ZNF518A: variants seen among roughly 807,000 people sequenced by gnomAD.
ZNF518A encodes the protein zinc finger protein 518A.
A neutral mutation model predicts 102.7 loss-of-function variants in ZNF518A; 47 were observed. The ratio of observed to expected loss-of-function variants is 0.46; its 90% CI spans 0.36 to 0.58. ZNF518A has a LOEUF of 0.58. Among genes scored for constraint, ZNF518A ranks in the 20% least tolerant of loss-of-function variants. ZNF518A has a pLI of 0.00. For synonymous variants in ZNF518A, 652 were observed against 594.6 expected, an observed-to-expected ratio of 1.10 and a Z score of -1.40; for missense variants, 1,793 against 1,699.8, an observed-to-expected ratio of 1.05 and a Z score of -0.96.
At chr10:96,148,567 C>T (rs1210069079) in intron 3 of ZNF518A, among the ~76,000 whole-genome samples, 1 of 96 alleles carries the variant, frequency 0.01, no homozygotes, top group Non-Finnish European at 0.022. Context: ...AATCCTCTGG[C>T]CTGTCTGCTT....
At chr10:96,132,978 C>G (rs2081414144) in intron 2 of ZNF518A, 1 of 152,022 alleles carries the variant, frequency 6.6e-6, no homozygotes, top group Non-Finnish European at 1.5e-5. Flanking sequence ...GACACTCAAC[C>G]TGTAGTTTTA....
intron 1 of ZNF518A, chr10:96,189,653 T>C: frequency 1.4e-6 from 1 of 717,182 alleles, no homozygotes; most frequent in Admixed American, 1.8e-5. Flanking sequence ...CTGGAGTATG[T>C]AGATTTCTTC....
At chr10:96,146,397 T>C (rs587769859) in intron 3 of ZNF518A, among the ~76,000 whole-genome samples, 4 of 152,338 alleles carry the variant, frequency 2.6e-5, no homozygotes, top group Non-Finnish European at 2.9e-5. Flanking sequence ...CCAGCTTTTA[T>C]CTCCATCATT....
chr10:96,139,296 A>G (rs782713830), intron 3 of ZNF518A, among the ~76,000 whole-genome samples: 27 of 152,124 alleles, frequency 1.8e-4, no homozygotes, highest in Admixed American at 1.3e-4. Context: ...CTGAATGTTT[A>G]TGTCCCCCTT....
intron 3 of ZNF518A, among the ~76,000 whole-genome samples, chr10:96,142,315 T>G (rs202137562): frequency 6.6e-4 from 43 of 65,626 alleles, no homozygotes; most frequent in East Asian, 3.5e-3. Flanking sequence ...GGTGTGTGTG[T>G]GTGTGTGTGT....
chr10:96,204,109 TA>T, exon 3 of ZNF518A: 1 of 1,613,572 alleles, frequency 6.2e-7, no homozygotes, highest in Non-Finnish European at 8.5e-7. Flanking sequence ...GAATTTCAGA[TA>T]ATTAAAGGAC....
At chr10:96,190,187 G>A in intron 1 of ZNF518A, 1 of 794,666 alleles carries the variant, frequency 1.3e-6, no homozygotes, top group Non-Finnish European at 2.2e-6. Context: ...TGGGCCTCAG[G>A]GGGCTCACGT....
In ZNF518A at chr10:96,191,225, C is replaced by T. The variant is rs587759147; in HGVS notation, n.36-12349C>T. The stretch of plus-strand genomic sequence containing the variant: ...CCCCAACCATGTGGAACTGTGAGTC[C>T]ATTAAACCTCTTTTTTTTTTTTTTT... On this transcript the variant is annotated intron_variant and non_coding_transcript_variant, in intron 1 of 2. Transcript: ENST00000442635. Among the ~76,000 whole-genome samples the T allele has an allele frequency of 4.7e-4, 66 of 141,700 alleles. 2 individuals carry two copies. Among genetic ancestry groups the T allele is most frequent in the African/African-American group, 1.7e-3 (65 of 37,958 alleles). The allele number at this position is 141,700 out of a possible 152,430, so 93.0% of individuals were successfully genotyped here. A position where few individuals can be genotyped will look rare whatever the true frequency, so the allele number is the denominator to read the frequency against.
intron 3 of ZNF518A, among the ~76,000 whole-genome samples, chr10:96,146,507 A>T (rs1460270732): frequency 7.6e-6 from 1 of 132,058 alleles, no homozygotes; most frequent in Non-Finnish European, 1.6e-5. Flanking sequence ...TCTTGTTTTT[A>T]TTTGTTTTGA....
rs60561670 is a variant in ZNF518A, at chr10:96,180,180, CT to C, written n.36-23370del. On this transcript the variant is annotated intron_variant and non_coding_transcript_variant, in intron 1 of 2. Coordinates refer to the ZNF518A transcript ENST00000442635. The stretch of plus-strand genomic sequence containing the variant: ...CAGGCATGAACCACAGCTCCAGCCT[CT>C]TTTTTTTTTTTTTTTTTTTTTTTAA... Among the ~76,000 whole-genome samples, 255 of 96,256 alleles carry C rather than the reference CT, an allele frequency of 2.6e-3. 1 individual carries two copies. Among genetic ancestry groups the C allele is most frequent in the African/African-American group, 7.8e-3 (179 of 23,060 alleles). The allele number at this position is 96,256 out of a possible 152,430, so 63.1% of individuals were successfully genotyped here.
intron 1 of ZNF518A, among the ~76,000 whole-genome samples, chr10:96,187,777 A>G (rs1433513625): frequency 6.6e-6 from 1 of 152,080 alleles, no homozygotes; most frequent in Non-Finnish European, 1.5e-5. Context: ...TTGCCTGAAA[A>G]TTTCTTTATG....
rs782520421 is a variant in ZNF518A at position 96,158,590 on chromosome 10, C to T, written c.2268C>T (p.Val756=). The T allele has an allele frequency of 1.1e-5, 18 of 1,613,046 alleles. No homozygotes were observed. Among genetic ancestry groups the T allele is most frequent in the East Asian group, 2.2e-5 (1 of 44,876 alleles). ...EKSKWEDFSN[V]DSPMMPRITS... ...CTAAATGGGAAGACTTTTCTAATGT[C>T]GATTCACCTATGATGCCTAGAATCA... Residue 756 remains valine (V), a synonymous_variant, in exon 6 of 6, where the codon GTC becomes GTT. Coordinates refer to ENST00000316045, the MANE Select transcript of ZNF518A (RefSeq NM_001330736.2).
rs1554888716 is a variant in ZNF518A, at chr10:96,162,760, A to C, written c.*1986A>C. On this transcript the variant is annotated 3_prime_UTR_variant, in exon 6 of 6. Transcript: ENST00000316045. ...CACAATAATTTTTTTACTGTGCTAA[A>C]ATCTGATGGAAATTTTGTTCTCTAG... 6.0e-6 allele frequency: 1 copy of C among 166,348 alleles called. No individual in the cohort carries two copies. The highest frequency in any genetic ancestry group is 1.9e-4 in the East Asian group (1 of 5,212). 10.3% of individuals were successfully genotyped at this position (166,348 alleles called of 1,614,324 possible).
intron 1 of ZNF518A, among the ~76,000 whole-genome samples, chr10:96,179,862 TTTC>T (rs1198714003): frequency 6.7e-4 from 99 of 147,916 alleles, no homozygotes; most frequent in African/African-American, 2.0e-3. Context: ...TTCTTCTTTT[TTTC>T]TTCTTCTTTC....
chr10:96,142,865 G>A (rs587633955), intron 3 of ZNF518A, among the ~76,000 whole-genome samples: 28 of 151,510 alleles, frequency 1.8e-4, no homozygotes, highest in Admixed American at 1.1e-3. Flanking sequence ...AAGTACAGTG[G>A]CGTGATCCCG....
At chr10:96,198,104 AAG>A (rs1409683968) in intron 1 of ZNF518A, among the ~76,000 whole-genome samples, 1 of 152,036 alleles carries the variant, frequency 6.6e-6, no homozygotes, top group Non-Finnish European at 1.5e-5. Flanking sequence ...ACTGAAGAAA[AAG>A]ACAAGCCTAT....
intron 3 of ZNF518A, among the ~76,000 whole-genome samples, chr10:96,152,771 G>C (rs2082512764): frequency 6.6e-6 from 1 of 152,208 alleles, no homozygotes; most frequent in African/African-American, 2.4e-5. Context: ...ACAGTGATGA[G>C]TATTTGTGTA....
intron 1 of ZNF518A, among the ~76,000 whole-genome samples, chr10:96,191,513 C>T (rs2083329489): frequency 6.6e-6 from 1 of 151,968 alleles, no homozygotes; most frequent in East Asian, 1.9e-4. Context: ...TTACAGATAT[C>T]ATACATTACC....
intron 1 of ZNF518A, among the ~76,000 whole-genome samples, chr10:96,178,650 TA>T (rs1422357758): frequency 6.6e-5 from 10 of 151,938 alleles, no homozygotes; most frequent in Admixed American, 6.5e-5. Flanking sequence ...TAGGGAAAAT[TA>T]ATGAAATGAA....
Sources: gnomAD v4.1 joint callset for allele counts (sites outside exome capture counted in the v4.1 genomes callset) on GRCh38, gnomAD v4.1.1 for gene constraint, MANE v1.5 for transcripts, NCBI Gene and HGNC (gene_info 2026-07-23, HGNC 2026-07-21) for gene names.